Variants in IL4R observed in about 807,000 individuals in gnomAD.
IL4R encodes the protein interleukin-4 receptor subunit alpha.
IL4R carries 17 observed loss-of-function variants against 41.5 expected under a neutral mutation model. The ratio of observed to expected loss-of-function variants is 0.41; its 90% confidence interval spans 0.28 to 0.61. IL4R has a LOEUF of 0.61. Ranked by LOEUF, IL4R falls within the 20% of genes least tolerant of loss-of-function variation. The probability of loss-of-function intolerance (pLI) is 0.31; values close to 1 mark genes in which losing one functional copy is unlikely to be tolerated. For missense variants in IL4R, 974 were observed against 1,043.1 expected (o/e 0.93, Z 0.91); for synonymous variants, 402 against 422.9 (o/e 0.95, Z 0.61).
Position 27,363,032 on chromosome 16 carries a change from G to C in IL4R, c.1680G>C (p.Gln560His). The C allele has an allele frequency of 6.2e-7, 1 of 1,614,162 alleles. No individual in the cohort carries two copies. The highest frequency in any genetic ancestry group is 8.5e-7 in the Non-Finnish European group (1 of 1,180,034). The change falls in exon 11 of 11, where the codon CAG (glutamine) becomes CAC (histidine). Residue 560 changes from glutamine (Q) to histidine (H), a missense_variant. Transcript: ENST00000395762. ...WEQILRRNVL[Q>H]HGAAAAPVSA... The stretch of plus-strand genomic sequence containing the variant: ...AGATCCTCCGCCGAAATGTCCTCCA[G>C]CATGGGGCAGCTGCAGCCCCCGTCT...
intron 1 of IL4R, among the ~76,000 whole-genome samples, chr16:27,320,056 A>G (rs1384408382): frequency 6.6e-6 from 1 of 152,052 alleles, no homozygotes; most frequent in Non-Finnish European, 1.5e-5. Context: ...TAGTAGAGAC[A>G]GGGTTTCACT....
chr16:27,321,752 T>G (rs1312131191), intron 1 of IL4R, among the ~76,000 whole-genome samples: 1 of 152,248 alleles, frequency 6.6e-6, no homozygotes, highest in Admixed American at 6.5e-5. Flanking sequence ...TTTCCACAAC[T>G]TGTTACACAA....
chr16:27,327,344 G>T (rs1198990905), intron 1 of IL4R, among the ~76,000 whole-genome samples: 1 of 152,124 alleles, frequency 6.6e-6, no homozygotes, highest in African/African-American at 2.4e-5. Flanking sequence ...TGTGGGTTCG[G>T]GAAGAGTCCT....
chr16:27,340,836 T>C (rs1159814626), intron 3 of IL4R, among the ~76,000 whole-genome samples: 1 of 152,084 alleles, frequency 6.6e-6, no homozygotes, highest in East Asian at 1.9e-4. Flanking sequence ...GAAGGCCTCA[T>C]TGAGCTGACT....
intron 2 of IL4R, among the ~76,000 whole-genome samples, chr16:27,333,852 C>CT (rs2085179061): frequency 6.6e-6 from 1 of 151,578 alleles, no homozygotes; most frequent in Non-Finnish European, 1.5e-5. Context: ...CAGGTGACCG[C>CT]TGAGACCCCT....
chr16:27,322,137 T>C (rs2084830854), intron 1 of IL4R, among the ~76,000 whole-genome samples: 1 of 151,592 alleles, frequency 6.6e-6, no homozygotes, highest in Non-Finnish European at 1.5e-5. Flanking sequence ...CCTCCCACCG[T>C]AATACAATTA....
At chr16:27,342,950 GAA>G (rs2085491111) in intron 4 of IL4R, among the ~76,000 whole-genome samples, 1 of 152,242 alleles carries the variant, frequency 6.6e-6, no homozygotes, top group South Asian at 2.1e-4. Context: ...GTATTATGAT[GAA>G]AAGAGTTTTA....
At chr16:27,347,008 T>C (rs2085671153) in intron 6 of IL4R, among the ~76,000 whole-genome samples, 1 of 152,162 alleles carries the variant, frequency 6.6e-6, no homozygotes, top group Non-Finnish European at 1.5e-5. Flanking sequence ...CAGTTCCCTT[T>C]TGAGGCCAAC....
At chr16:27,333,012 A>G (rs931188025) in intron 2 of IL4R, among the ~76,000 whole-genome samples, 3 of 151,936 alleles carry the variant, frequency 2.0e-5, no homozygotes, top group East Asian at 3.9e-4. Context: ...ATTTGAATCC[A>G]TTGTGGCCTA....
chr16:27,346,705 C>G (rs556921256), intron 6 of IL4R, 87 bp downstream of exon 6: 2 of 1,445,712 alleles, frequency 1.4e-6, no homozygotes, highest in African/African-American at 1.4e-5. Context: ...GAGCCAGGAG[C>G]CTGGGAGGCA....
At chr16:27,329,393 T>C (rs918154339) in intron 1 of IL4R, among the ~76,000 whole-genome samples, 1 of 152,128 alleles carries the variant, frequency 6.6e-6, no homozygotes, top group South Asian at 2.1e-4. Context: ...TATTTTAATC[T>C]AGGCCAGACA....
At position 27,362,465 on chromosome 16, in the gene IL4R, TGAG is replaced by T. The variant is rs756906772; in HGVS notation, c.1127_1129del (p.Glu376del). 1.2e-5 allele frequency: 20 copies of T among 1,606,266 alleles called. No homozygotes were observed. Among genetic ancestry groups the T allele is most frequent in the African/African-American group, 4.0e-5 (3 of 74,338 alleles). Reference sequence around the variant, plus strand: ...AGTTGTTTGAGGCCCCGGTGGAGTGTGAGGAGGAGGAGGAGGTAGAGGAAGAAA... The same window carrying T: ...AGTTGTTTGAGGCCCCGGTGGAGTGTGAGGAGGAGGAGGTAGAGGAAGAAA... On this transcript the variant is annotated inframe_deletion, in exon 11 of 11. Transcript: ENST00000395762.
At chr16:27,325,425 T>A (rs2084930471) in intron 1 of IL4R, among the ~76,000 whole-genome samples, 1 of 151,606 alleles carries the variant, frequency 6.6e-6, no homozygotes, top group Non-Finnish European at 1.5e-5. Flanking sequence ...TACAAAAAAA[T>A]TAGCTGGGCG....
intron 1 of IL4R, among the ~76,000 whole-genome samples, chr16:27,320,025 C>A (rs1271176753): frequency 2.6e-5 from 4 of 152,174 alleles, no homozygotes; most frequent in Non-Finnish European, 5.9e-5. Flanking sequence ...TGCTATCACA[C>A]CCAGCTAATT....
chr16:27,357,874 C>T (rs541841957), intron 8 of IL4R, among the ~76,000 whole-genome samples: 14 of 151,512 alleles, frequency 9.2e-5, no homozygotes, highest in Non-Finnish European at 1.9e-4. Context: ...TGAATGACCT[C>T]ATATAAGCAT....
chr16:27,363,576 C>A lies in IL4R; in HGVS notation c.2224C>A (p.Pro742Thr), dbSNP rs553003674. The change falls in exon 11 of 11, where the codon CCT (proline) becomes ACT (threonine). Residue 742 changes from proline (P) to threonine (T), a missense_variant. Pro to Thr is a conservative substitution (Grantham distance 38). This residue lies in a region of IL4R where 682 missense variants were observed against 704.3 expected (regional missense o/e 0.97). Transcript: ENST00000395762. ...DGGQTPVMAS[P>T]CCGCCCGDRS... ...TGGCCAGACCCCTGTCATGGCCAGT[C>A]CTTGCTGTGGCTGCTGCTGTGGAGA... The A allele has an allele frequency of 6.2e-7, 1 of 1,614,126 alleles. No individual in the cohort carries two copies. The highest frequency in any genetic ancestry group is 1.3e-5 in the African/African-American group (1 of 75,028).
At chr16:27,321,436 A>C (rs1262947923) in intron 1 of IL4R, among the ~76,000 whole-genome samples, 5 of 152,220 alleles carry the variant, frequency 3.3e-5, no homozygotes, top group Non-Finnish European at 7.4e-5. Context: ...TTGGAGTCCC[A>C]CGCAAAGACT....
rs2085652029 is a variant in IL4R, at chr16:27,346,568, A to G, written c.463A>G (p.Asn155Asp). Residue 155 changes from asparagine (N) to aspartate (D), a missense_variant, in exon 6 of 11, where the codon AAT (asparagine) becomes GAT (aspartate). Asn to Asp is a conservative substitution (Grantham distance 23). Coordinates refer to ENST00000395762, the MANE Select transcript of IL4R (RefSeq NM_000418.4). ...NPYPPDNYLY[N>D]HLTYAVNIWS... is the part of the protein sequence containing the mutation. ...GTATCCCCCTGACAATTACCTGTAT[A>G]ATCATCTCACCTATGCAGTCAACAT... 2 of 1,614,174 alleles carry G rather than the reference A, an allele frequency of 1.2e-6. No homozygotes were observed. The highest frequency in any genetic ancestry group is 2.7e-5 in the African/African-American group (2 of 75,046).
chr16:27,322,119 C>G (rs2084830005), intron 1 of IL4R, among the ~76,000 whole-genome samples: 1 of 144,898 alleles, frequency 6.9e-6, no homozygotes, highest in Non-Finnish European at 1.5e-5. Context: ...TTTTTTTTAC[C>G]TGATTTACCT....
Sources: allele counts gnomAD v4.1 joint callset (sites outside exome capture counted in the v4.1 genomes callset), GRCh38; gene constraint gnomAD v4.1.1; regional missense constraint gnomAD v4.1.1; transcripts MANE v1.5; gene names NCBI Gene and HGNC (gene_info 2026-07-23, HGNC 2026-07-21).